Variants in SDK1 observed in about 807,000 individuals in gnomAD.
The protein encoded by SDK1 is sidekick cell adhesion molecule 1.
Under a neutral mutation model 245.5 loss-of-function variants are expected in SDK1, and 157 were observed. The observed-to-expected ratio is 0.64, with a 90% CI of 0.56 to 0.73. The LOEUF is 0.73. Among genes scored for constraint, SDK1 ranks in the 30% least tolerant of loss-of-function variants. The pLI, the probability that SDK1 is intolerant of heterozygous loss-of-function variation, is 0.00. For missense variants in SDK1, 3,583 were observed against 3,002.3 expected, an observed-to-expected ratio of 1.19 and a Z score of -4.52; for synonymous variants, 1,647 against 1,278.5, an observed-to-expected ratio of 1.29 and a Z score of -6.15.
chr7:3,738,811 T>G (rs1583359429), intron 4 of SDK1, among the ~76,000 whole-genome samples: 1 of 152,146 alleles, frequency 6.6e-6, no homozygotes, highest in East Asian at 1.9e-4. Flanking sequence ...ATTGTTTTCT[T>G]AATTTCCTTT....
Position 3,596,582 on chromosome 7 carries a change from C to T in SDK1, c.299-22498C>T, listed in dbSNP as rs1218102333. On this transcript the variant is annotated intron_variant, in intron 1 of 44. Coordinates refer to ENST00000404826, the MANE Select transcript of SDK1 (RefSeq NM_152744.4). ...CTCCAGATGAACGTCTCCATCACCC[C>T]TGCAAGTTCCCTCAGGCCCTTCCAA... is the stretch of plus-strand genomic sequence containing the variant. Among the ~76,000 whole-genome samples the T allele has an allele frequency of 5.3e-5, 8 of 152,226 alleles. No individual in the cohort carries two copies. The East Asian group carries it at 5.8e-4, about 11-fold the overall frequency.
intron 4 of SDK1, among the ~76,000 whole-genome samples, chr7:3,730,303 G>A (rs1466225987): frequency 6.6e-6 from 1 of 152,138 alleles, no homozygotes; most frequent in African/African-American, 2.4e-5. Flanking sequence ...TTTCATGCCT[G>A]TTGTTAAAGG....
Position 4,158,562 on chromosome 7 carries a change from CG to C in SDK1, c.4729+15del. On this transcript the variant is annotated intron_variant, in intron 31 of 44. Transcript: ENST00000404826. ...CCACGCTGCAGGATGGTGAGCAACC[CG>C]GGGCCCAGACCGCGTTCCTGGCCGC... The C allele has an allele frequency of 1.2e-6, 2 of 1,600,524 alleles. No individual in the cohort carries two copies. Among genetic ancestry groups the C allele is most frequent in the Middle Eastern group, 1.7e-4 (1 of 6,022 alleles).
chr7:3,308,604 T>C (rs1446443733), intron 1 of SDK1, among the ~76,000 whole-genome samples: 1 of 152,124 alleles, frequency 6.6e-6, no homozygotes, highest in African/African-American at 2.4e-5. Flanking sequence ...TGAACATGGG[T>C]AAGACTATAG....
At chr7:3,356,080 T>C (rs1780785555) in intron 1 of SDK1, among the ~76,000 whole-genome samples, 1 of 152,214 alleles carries the variant, frequency 6.6e-6, no homozygotes, top group South Asian at 2.1e-4. Flanking sequence ...TTCACAGCCT[T>C]GTAGCTTATG....
chr7:3,603,142 T>C (rs1781304430), intron 1 of SDK1, among the ~76,000 whole-genome samples: 1 of 147,326 alleles, frequency 6.8e-6, no homozygotes, highest in African/African-American at 2.5e-5. Flanking sequence ...TTCTTTTGGC[T>C]TAGGATTGAC....
At chr7:3,621,754 G>A (rs1282112026) in intron 2 of SDK1, among the ~76,000 whole-genome samples, 4 of 152,182 alleles carry the variant, frequency 2.6e-5, no homozygotes, top group African/African-American at 9.6e-5. Context: ...GGGGGTGCAA[G>A]AGTAAGACAG....
intron 14 of SDK1, among the ~76,000 whole-genome samples, chr7:3,994,667 C>G (rs1156859430): frequency 6.7e-6 from 1 of 149,706 alleles, no homozygotes; most frequent in African/African-American, 2.5e-5. Flanking sequence ...AAGAGAAAAA[C>G]ATAATGTAAT....
chr7:3,744,291 C>G (rs927840661), intron 4 of SDK1, among the ~76,000 whole-genome samples: 2 of 152,068 alleles, frequency 1.3e-5, no homozygotes. Context: ...TGACTTTCTG[C>G]ATAGCACGTA....
intron 1 of SDK1, among the ~76,000 whole-genome samples, chr7:3,464,146 C>T (rs1445120527): frequency 6.6e-6 from 1 of 152,106 alleles, no homozygotes; most frequent in Non-Finnish European, 1.5e-5. Flanking sequence ...CGCATCGTTC[C>T]CTGAGTGAAA....
At chr7:3,309,521 AAG>A (rs1779499303) in intron 1 of SDK1, among the ~76,000 whole-genome samples, 1 of 76,400 alleles carries the variant, frequency 1.3e-5, no homozygotes, top group Non-Finnish European at 2.8e-5. Flanking sequence ...TCACTAGAAA[AAG>A]ATTTTTTTTT....
chr7:4,189,864 G>A (rs1290460735), intron 35 of SDK1, among the ~76,000 whole-genome samples: 1 of 152,196 alleles, frequency 6.6e-6, no homozygotes, highest in Non-Finnish European at 1.5e-5. Flanking sequence ...TGTGGCTGTG[G>A]AAGACAGAAA....
intron 4 of SDK1, among the ~76,000 whole-genome samples, chr7:3,750,011 A>G (rs1779730892): frequency 6.6e-6 from 1 of 152,232 alleles, no homozygotes; most frequent in Non-Finnish European, 1.5e-5. Flanking sequence ...TAGGCTTTAC[A>G]GATGATGGTT....
intron 2 of SDK1, among the ~76,000 whole-genome samples, chr7:3,624,298 C>G (rs1583240264): frequency 6.6e-6 from 1 of 152,186 alleles, no homozygotes; most frequent in Admixed American, 6.5e-5. Context: ...CTCCTGGGCT[C>G]AAGCAGTCCT....
Position 4,123,599 on chromosome 7 carries a change from T to G in SDK1, c.3824-3782T>G, listed in dbSNP as rs1784204135. Among the ~76,000 whole-genome samples, 3 of 152,152 alleles carry G rather than the reference T, an allele frequency of 2.0e-5. No homozygotes were observed. The South Asian group carries it at 6.2e-4, about 32-fold the overall frequency. ...CTGAGCAAACTTCACATTGCAAGTA[T>G]TCCCTTTCCGTGACACCTCTCTACT... On this transcript the variant is annotated intron_variant, in intron 25 of 44. Transcript: ENST00000404826.
intron 5 of SDK1, among the ~76,000 whole-genome samples, chr7:3,927,674 A>C (rs1273302142): frequency 1.3e-5 from 2 of 152,246 alleles, no homozygotes; most frequent in Admixed American, 6.5e-5. Flanking sequence ...CTCCTCTGAC[A>C]CTGTCATGTC....
At chr7:4,129,149 A>G (rs1412094836) in intron 26 of SDK1, among the ~76,000 whole-genome samples, 617 of 42,696 alleles carry the variant, frequency 0.014, no homozygotes, top group Middle Eastern at 0.024. Context: ...AGAGCAGCTT[A>G]GGGTTGGGTG....
Position 4,114,265 on chromosome 7 carries a change from C to G in SDK1, c.3814C>G (p.Arg1272Gly). The G allele has an allele frequency of 3.1e-6, 5 of 1,602,480 alleles. No individual in the cohort carries two copies. The highest frequency in any genetic ancestry group is 4.3e-6 in the Non-Finnish European group (5 of 1,175,484). Residue 1272 changes from arginine (R) to glycine (G), a missense_variant, in exon 25 of 45, where the codon CGG becomes GGG. Coordinates refer to ENST00000404826, the MANE Select transcript of SDK1 (RefSeq NM_152744.4). ...GAGCGAGGTGGTGCGGGGCCGGACGCGGGAGTCAGGTGAGGGGAAGGCGAT... is the reference window on the plus strand; with the variant it reads ...GAGCGAGGTGGTGCGGGGCCGGACGGGGGAGTCAGGTGAGGGGAAGGCGAT... ...PWSEVVRGRT[R>G]ESVPSAAPEN...
At chr7:3,909,203 C>G (rs1031638615) in intron 5 of SDK1, among the ~76,000 whole-genome samples, 2 of 152,218 alleles carry the variant, frequency 1.3e-5, no homozygotes, top group African/African-American at 4.8e-5. Context: ...ATCCTCTACT[C>G]CATCATACAC....
Sources: gnomAD v4.1 joint callset for allele counts (sites outside exome capture counted in the v4.1 genomes callset) on GRCh38, gnomAD v4.1.1 for gene constraint, MANE v1.5 for transcripts, NCBI Gene and HGNC (gene_info 2026-07-23, HGNC 2026-07-21) for gene names.